Variants in XPO6 observed in about 807,000 individuals in gnomAD.
XPO6 encodes exportin-6.
XPO6 carries 3 observed loss-of-function variants against 130.0 expected under a neutral mutation model. The ratio of observed to expected loss-of-function variants is 0.02; its 90% confidence interval spans 0.01 to 0.06. XPO6 has a LOEUF of 0.06. Ranked by LOEUF, XPO6 falls within the 10% of genes least tolerant of loss-of-function variation. The pLI, the probability that XPO6 is intolerant of heterozygous loss-of-function variation, is 1.00. For synonymous variants in XPO6, 524 were observed against 548.9 expected, an observed-to-expected ratio of 0.95 and a Z score of 0.63; for missense variants, 970 against 1,393.0, an observed-to-expected ratio of 0.70 and a Z score of 4.83.
At chr16:28,202,690 G>A (rs994333497) in intron 1 of XPO6, among the ~76,000 whole-genome samples, 2 of 152,118 alleles carry the variant, frequency 1.3e-5, no homozygotes, top group African/African-American at 4.8e-5. Context: ...TGATGGATTT[G>A]GTTTAACACA....
chr16:28,112,419 A>G (rs205387), intron 16 of XPO6, among the ~76,000 whole-genome samples: 87,383 of 151,986 alleles, frequency 0.57, 27,483 homozygotes, highest in South Asian at 0.72. Flanking sequence ...TCCTGCAATC[A>G]CATCCTGGTG....
intron 15 of XPO6, among the ~76,000 whole-genome samples, chr16:28,116,144 C>T (rs531126270): frequency 2.0e-4 from 31 of 152,352 alleles, no homozygotes; most frequent in South Asian, 1.0e-3. Context: ...CCTTTGCATT[C>T]ACAACTTGGC....
rs537418280 is a variant in XPO6, at chr16:28,132,222, G to A, written c.1606+112C>T. 1 of 793,674 alleles carries A rather than the reference G, an allele frequency of 1.3e-6. No individual in the cohort carries two copies. Among genetic ancestry groups the A allele is most frequent in the Admixed American group, 2.7e-5 (1 of 37,456 alleles). The allele number at this position is 793,674 out of a possible 1,614,324, so 49.2% of individuals were successfully genotyped here. On this transcript the variant is annotated intron_variant, in intron 12 of 23. Transcript: ENST00000304658. The surrounding 1 kb of genome is among the most constrained non-coding windows in gnomAD (Gnocchi z 4.0). ...TTCGAAGTGGGGAGAGATGCCAGTG[G>A]GGAGGCTGCAGTGAAGAAATCATGT...
At chr16:28,160,933 C>G (rs1262167949) in intron 6 of XPO6, among the ~76,000 whole-genome samples, 1 of 152,142 alleles carries the variant, frequency 6.6e-6, no homozygotes, top group Non-Finnish European at 1.5e-5. Context: ...TACAGTTTTT[C>G]TATTTTTGAA....
intron 9 of XPO6, among the ~76,000 whole-genome samples, chr16:28,141,828 C>T (rs956332216): frequency 2.6e-5 from 4 of 152,110 alleles, no homozygotes; most frequent in African/African-American, 4.8e-5. Context: ...GGCGTGGTGG[C>T]GGGCACCTGT....
intron 6 of XPO6, among the ~76,000 whole-genome samples, chr16:28,165,037 C>T (rs1350355219): frequency 6.6e-6 from 1 of 151,932 alleles, no homozygotes; most frequent in Non-Finnish European, 1.5e-5. Flanking sequence ...GGCAACATGG[C>T]GAAACCCCGT....
At chr16:28,133,994 T>C in intron 10 of XPO6, 61 bp from the exon 11 acceptor site, 1 of 1,512,384 alleles carries the variant, frequency 6.6e-7, no homozygotes, top group Non-Finnish European at 9.1e-7. Context: ...CTTGCCAACC[T>C]CAAGACCACT....
intron 1 of XPO6, among the ~76,000 whole-genome samples, chr16:28,200,445 C>G (rs1207338675): frequency 3.3e-5 from 5 of 152,030 alleles, no homozygotes; most frequent in Admixed American, 3.3e-4. Context: ...TAATATGGAC[C>G]AGCTACCACT....
At position 28,152,650 on chromosome 16, in the gene XPO6, G is replaced by C; in HGVS notation, c.1224+9C>G. 6.2e-7 allele frequency: 1 copy of C among 1,606,008 alleles called. No individual in the cohort carries two copies. The highest frequency in any genetic ancestry group is 8.5e-7 in the Non-Finnish European group (1 of 1,178,106). On this transcript the variant is annotated intron_variant, in intron 8 of 23. Coordinates refer to ENST00000304658, the MANE Select transcript of XPO6 (RefSeq NM_015171.4). Reference sequence around the variant, plus strand: ...TCTCTGGAAGGGAAGGATGACTTTGGTGCTTTACCTGATGAAATGTGTACT... The same window carrying C: ...TCTCTGGAAGGGAAGGATGACTTTGCTGCTTTACCTGATGAAATGTGTACT...
At chr16:28,180,822 A>G (rs1256291804) in intron 2 of XPO6, 119 bp downstream of exon 2, 15 of 725,208 alleles carry the variant, frequency 2.1e-5, no homozygotes, top group African/African-American at 3.6e-5. Flanking sequence ...GAGCGAAAAG[A>G]GCAAGAATTC....
chr16:28,152,364 T>C (rs1001008591), intron 8 of XPO6, among the ~76,000 whole-genome samples: 1 of 152,206 alleles, frequency 6.6e-6, no homozygotes, highest in Admixed American at 6.5e-5. Context: ...GTTCACATAA[T>C]AGTGGTCAAG....
At chr16:28,104,752 C>T in intron 20 of XPO6, 45 bp from the exon 21 acceptor site, 1 of 1,606,298 alleles carries the variant, frequency 6.2e-7, no homozygotes, top group Non-Finnish European at 8.5e-7. Flanking sequence ...TGCGGAGCTG[C>T]TCCGGCCTGG....
intron 1 of XPO6, among the ~76,000 whole-genome samples, chr16:28,204,654 T>C (rs1455840672): frequency 6.6e-6 from 1 of 152,084 alleles, no homozygotes; most frequent in African/African-American, 2.4e-5. Context: ...GTGTCCTGGA[T>C]GAAGGCACTA....
In XPO6 at chr16:28,158,311, AT is replaced by A. The variant is rs2043215127; in HGVS notation, c.644-1785del. On this transcript the variant is annotated intron_variant, in intron 6 of 23. Coordinates refer to ENST00000304658, the MANE Select transcript of XPO6 (RefSeq NM_015171.4). The stretch of plus-strand genomic sequence containing the variant: ...GATGTTCTTTTCCTTTTTCACTTTC[AT>A]TATCTCCAAGTGTACAATGGAGCTT... Among the ~76,000 whole-genome samples the A allele has an allele frequency of 4.6e-5, 7 of 152,264 alleles. No homozygotes were observed. The South Asian group carries it at 1.4e-3, about 32-fold the overall frequency.
At chr16:28,165,272 G>A (rs1044239483) in intron 6 of XPO6, 2 of 152,160 alleles carry the variant, frequency 1.3e-5, no homozygotes, top group Admixed American at 1.3e-4. Context: ...AAACTTAACT[G>A]TGGATACTCC....
chr16:28,185,117 A>G (rs946572724), intron 1 of XPO6, among the ~76,000 whole-genome samples: 2 of 152,244 alleles, frequency 1.3e-5, no homozygotes, highest in Non-Finnish European at 2.9e-5. Context: ...GCAACAACAC[A>G]GATGAATCTC....
intron 13 of XPO6, 74 bp downstream of exon 13, chr16:28,125,615 T>C: frequency 6.5e-7 from 1 of 1,545,422 alleles, no homozygotes; most frequent in Non-Finnish European, 8.8e-7. Flanking sequence ...TTTGGCAATA[T>C]GCTGCCCCTC....
intron 14 of XPO6, among the ~76,000 whole-genome samples, chr16:28,121,031 A>G (rs1211788123): frequency 6.6e-6 from 1 of 152,238 alleles, no homozygotes; most frequent in Non-Finnish European, 1.5e-5. Context: ...TGGGCAGTGA[A>G]ATCTCTGGGA....
intron 14 of XPO6, among the ~76,000 whole-genome samples, chr16:28,119,001 C>T (rs1190623920): frequency 2.6e-5 from 4 of 152,132 alleles, no homozygotes; most frequent in Non-Finnish European, 5.9e-5. Flanking sequence ...AGGATATAGG[C>T]AGGTATCACT....
Sources: gnomAD v4.1 joint callset for allele counts (sites outside exome capture counted in the v4.1 genomes callset) on GRCh38, gnomAD v4.1.1 for gene constraint, Gnocchi (gnomAD v3.1) non-coding constraint, MANE v1.5 for transcripts, NCBI Gene and HGNC (gene_info 2026-07-23, HGNC 2026-07-21) for gene names.